The following OSBPL3 variants were observed in gnomAD, a reference collection of about 807,000 sequenced individuals.
OSBPL3 encodes oxysterol binding protein like 3, also known as oxysterol-binding protein-related protein 3.
A neutral mutation model predicts 120.1 loss-of-function variants in OSBPL3; 65 were observed. The observed-to-expected ratio is 0.54, with a 90% CI of 0.44 to 0.67. OSBPL3 has a LOEUF of 0.67. Ranked by LOEUF, OSBPL3 falls within the 30% of genes least tolerant of loss-of-function variation. OSBPL3 has a pLI of 0.00. For missense variants in OSBPL3, 1,004 were observed against 1,082.1 expected (o/e 0.93, Z 1.01); for synonymous variants, 416 against 402.6 (o/e 1.03, Z -0.40).
At position 24,967,257 on chromosome 7, in the gene OSBPL3, C is replaced by A. The variant is rs1816496982; in HGVS notation, c.-150+12629G>T. 6.6e-6 allele frequency among the ~76,000 whole-genome samples: 1 copy of A among 152,216 alleles called. No homozygotes were observed. The highest frequency in any genetic ancestry group is 2.1e-4 in the South Asian group (1 of 4,830). On this transcript the variant is annotated intron_variant, in intron 1 of 22. Coordinates refer to ENST00000313367, the MANE Select transcript of OSBPL3 (RefSeq NM_015550.4). This position sits in a 1 kb window ranked among gnomAD's most constrained non-coding sequence, Gnocchi z 5.6. ...CCCTTGCTCAAAACATTCTGTGGCT[C>A]TCCAATGGCCAGAGGATGAAGTAGC...
At chr7:24,909,795 T>TG (rs1238595973) in intron 1 of OSBPL3, among the ~76,000 whole-genome samples, 4 of 140,566 alleles carry the variant, frequency 2.8e-5, no homozygotes, top group Non-Finnish European at 4.7e-5. Context: ...TTTTTTTTTT[T>TG]TTTTTTTTTT....
intron 19 of OSBPL3, 36 bp from the exon 20 acceptor site, chr7:24,809,987 G>T: frequency 6.2e-7 from 1 of 1,611,330 alleles, no homozygotes; most frequent in South Asian, 1.1e-5. Flanking sequence ...TAGTCCTTTA[G>T]CATCAGCTTA....
At chr7:24,814,134 T>C (rs1402344608) in intron 19 of OSBPL3, among the ~76,000 whole-genome samples, 1 of 151,684 alleles carries the variant, frequency 6.6e-6, no homozygotes, top group Admixed American at 6.6e-5. Flanking sequence ...AGGGAGTGAA[T>C]GACAGGATGG....
rs935842104 is a variant in OSBPL3, at chr7:24,952,358, A to G, written c.-150+27528T>C. On this transcript the variant is annotated intron_variant, in intron 1 of 22. Coordinates refer to ENST00000313367, the MANE Select transcript of OSBPL3 (RefSeq NM_015550.4). The surrounding 1 kb of genome is among the most constrained non-coding windows in gnomAD (Gnocchi z 4.4). The stretch of plus-strand genomic sequence containing the variant: ...GCCCACAAGGCTCAAGTTTTGCCCA[A>G]TGTCATGTAATCACTAATCATATAC... 2.0e-5 allele frequency among the ~76,000 whole-genome samples: 3 copies of G among 152,222 alleles called. No homozygotes were observed. Among genetic ancestry groups the G allele is most frequent in the Admixed American group, 6.5e-5 (1 of 15,284 alleles).
chr7:24,926,036 G>C (rs1279003072), intron 1 of OSBPL3, among the ~76,000 whole-genome samples: 1 of 152,256 alleles, frequency 6.6e-6, no homozygotes, highest in African/African-American at 2.4e-5. Flanking sequence ...TGAAGAGGCA[G>C]ACGCTACTAT....
chr7:24,927,160 GTA>G (rs1476357619), intron 1 of OSBPL3, among the ~76,000 whole-genome samples: 2 of 152,144 alleles, frequency 1.3e-5, no homozygotes, highest in Non-Finnish European at 2.9e-5. Context: ...AAGAGGATTC[GTA>G]TGTCTTCACT....
At chr7:24,882,754 T>C (rs1344219126) in intron 2 of OSBPL3, among the ~76,000 whole-genome samples, 1 of 152,222 alleles carries the variant, frequency 6.6e-6, no homozygotes, top group East Asian at 1.9e-4. Context: ...GTTGTCTTTG[T>C]ATTAATAGTC....
intron 1 of OSBPL3, among the ~76,000 whole-genome samples, chr7:24,948,825 A>G (rs2128493926): frequency 6.6e-6 from 1 of 152,340 alleles, no homozygotes; most frequent in East Asian, 1.9e-4. Context: ...CGAGGTGTGG[A>G]TACAAAGTAT....
chr7:24,977,324 C>T (rs546048533), intron 1 of OSBPL3, among the ~76,000 whole-genome samples: 1 of 152,292 alleles, frequency 6.6e-6, no homozygotes, highest in Non-Finnish European at 1.5e-5. Context: ...TACATCTAGA[C>T]ACTTGATATC....
Position 24,842,342 on chromosome 7 carries a change from G to A in OSBPL3, c.1338C>T (p.Asp446=), listed in dbSNP as rs769147000. Residue 446 remains aspartate (D), a synonymous_variant, in exon 13 of 23, where the codon GAC becomes GAT. Transcript: ENST00000313367. ...LSNESRLSIT[D]SLSEFFDAQE... ...GAGCATCAAAAAACTCAGAAAGGGA[G>A]TCAGTGATGGAGAGTCTACTTTCAT... 4 of 1,612,468 alleles carry A rather than the reference G, an allele frequency of 2.5e-6. No homozygotes were observed. Among genetic ancestry groups the A allele is most frequent in the Non-Finnish European group, 3.4e-6 (4 of 1,178,716 alleles).
At position 24,922,626 on chromosome 7, in the gene OSBPL3, T is replaced by A. The variant is rs1810538301; in HGVS notation, c.-149-30005A>T. 6.6e-6 allele frequency among the ~76,000 whole-genome samples: 1 copy of A among 152,186 alleles called. No homozygotes were observed. The highest frequency in any genetic ancestry group is 1.5e-5 in the Non-Finnish European group (1 of 68,026). On this transcript the variant is annotated intron_variant, in intron 1 of 22. Transcript: ENST00000313367. This position sits in a 1 kb window ranked among gnomAD's most constrained non-coding sequence, Gnocchi z 4.3. ...TTTCCTCCATTTCCTTATGCCCTCT[T>A]CTTGTTCTCCTGTGACTTCCACAGA...
At chr7:24,961,223 T>C (rs1177495346) in intron 1 of OSBPL3, among the ~76,000 whole-genome samples, 1 of 152,170 alleles carries the variant, frequency 6.6e-6, no homozygotes, top group Non-Finnish European at 1.5e-5. Flanking sequence ...ATAAAGATGG[T>C]CTTTTGGCTG....
rs1799654519 is a variant in OSBPL3, at chr7:24,854,963, T to C, written c.1028-2329A>G. ...AGGAGACACATGAGGATGAAAGTGA[T>C]GGTGACTGCAGTCTCTTGAAATGTT... On this transcript the variant is annotated intron_variant, in intron 10 of 22. Coordinates refer to ENST00000313367, the MANE Select transcript of OSBPL3 (RefSeq NM_015550.4). The surrounding 1 kb of genome is among the most constrained non-coding windows in gnomAD (Gnocchi z 4.1). Among the ~76,000 whole-genome samples the C allele has an allele frequency of 6.6e-6, 1 of 152,250 alleles. No individual in the cohort carries two copies. Among genetic ancestry groups the C allele is most frequent in the Admixed American group, 6.5e-5 (1 of 15,288 alleles).
chr7:24,933,041 G>A lies in OSBPL3; in HGVS notation c.-149-40420C>T, dbSNP rs1238191392. 2.0e-5 allele frequency among the ~76,000 whole-genome samples: 3 copies of A among 152,192 alleles called. No individual in the cohort carries two copies. Among genetic ancestry groups the A allele is most frequent in the Non-Finnish European group, 4.4e-5 (3 of 68,034 alleles). The stretch of plus-strand genomic sequence containing the variant: ...ACTCCAGTCTTCACGGTTCACAGGA[G>A]GAGAATGGAAGGGCTGCTGCCCAAA... On this transcript the variant is annotated intron_variant, in intron 1 of 22. Transcript: ENST00000313367. The surrounding 1 kb of genome is among the most constrained non-coding windows in gnomAD (Gnocchi z 5.1).
At chr7:24,981,720 C>T (rs1818385501), upstream of OSBPL3, 1 of 152,498 alleles carries the variant, frequency 6.6e-6, no homozygotes, top group African/African-American at 2.4e-5. This position sits in a 1 kb window ranked among gnomAD's most constrained non-coding sequence, Gnocchi z 7.3. Context: ...TGTCATGCTG[C>T]CCACGTCGGC....
In OSBPL3 at chr7:24,889,199, A is replaced by C. The variant is rs147138676; in HGVS notation, c.96+3178T>G. ...AAAAGAAAGACATCTTGTCATTTGC[A>C]ATCACATGGATGAACTGGAGGACAT... On this transcript the variant is annotated intron_variant, in intron 2 of 22. Transcript: ENST00000313367. Among the ~76,000 whole-genome samples the C allele has an allele frequency of 2.4e-3, 365 of 152,346 alleles. 2 individuals are homozygous for C. The highest frequency in any genetic ancestry group is 7.8e-3 in the African/African-American group (326 of 41,580).
chr7:24,841,110 T>C (rs1230679697), intron 13 of OSBPL3, among the ~76,000 whole-genome samples: 1 of 152,204 alleles, frequency 6.6e-6, no homozygotes, highest in East Asian at 1.9e-4. Flanking sequence ...AATTTGTCTT[T>C]GAGCTATTTG....
chr7:24,890,016 A>G (rs1805110857), intron 2 of OSBPL3, among the ~76,000 whole-genome samples: 1 of 152,186 alleles, frequency 6.6e-6, no homozygotes, highest in Non-Finnish European at 1.5e-5. Flanking sequence ...GCAAATCCCT[A>G]GATGGGTCAG....
chr7:24,811,591 T>A (rs932013077), intron 19 of OSBPL3, among the ~76,000 whole-genome samples: 1 of 152,234 alleles, frequency 6.6e-6, no homozygotes, highest in Non-Finnish European at 1.5e-5. Flanking sequence ...ACCAACGTCA[T>A]GAAGCTTTTC....
Sources: gnomAD v4.1 joint callset for allele counts (sites outside exome capture counted in the v4.1 genomes callset) on GRCh38, gnomAD v4.1.1 for gene constraint, Gnocchi (gnomAD v3.1) non-coding constraint, MANE v1.5 for transcripts, NCBI Gene and HGNC (gene_info 2026-07-23, HGNC 2026-07-21) for gene names.